The following C12orf42 variants were observed in gnomAD, a reference collection of about 807,000 sequenced individuals.
C12orf42 encodes uncharacterized protein C12orf42.
C12orf42 carries 25 observed loss-of-function variants against 21.6 expected under a neutral mutation model. The ratio of observed to expected loss-of-function variants is 1.16; its 90% CI spans 0.84 to 1.62. The LOEUF (loss-of-function observed/expected upper bound fraction) is 1.62, where lower values mean the gene tolerates loss of function less well. Among genes scored for constraint, C12orf42 ranks in the 40% most tolerant of loss-of-function variants. The probability of loss-of-function intolerance (pLI) is 0.00; values close to 1 mark genes in which losing one functional copy is unlikely to be tolerated. For missense variants in C12orf42, 483 were observed against 459.3 expected, an observed-to-expected ratio of 1.05 and a Z score of -0.47; for synonymous variants, 174 against 175.0, an observed-to-expected ratio of 0.99 and a Z score of 0.05.
chr12:103,294,555 A>C (rs2037081586), intron 4 of C12orf42, among the ~76,000 whole-genome samples: 1 of 142,600 alleles, frequency 7.0e-6, no homozygotes, highest in African/African-American at 2.6e-5. Flanking sequence ...GAAAGAAAGA[A>C]AGAAAGAAAA....
intron 2 of C12orf42, among the ~76,000 whole-genome samples, chr12:103,426,607 G>A (rs1383274801): frequency 6.6e-6 from 1 of 152,120 alleles, no homozygotes; most frequent in Non-Finnish European, 1.5e-5. Context: ...AGGAAATACA[G>A]AGAACACCAC....
intron 4 of C12orf42, among the ~76,000 whole-genome samples, chr12:103,290,573 A>C (rs531767336): frequency 1.3e-5 from 2 of 152,298 alleles, no homozygotes; most frequent in East Asian, 3.9e-4. Flanking sequence ...GAAGGAAGGA[A>C]CTAACACACA....
At chr12:103,186,548 C>G in the C12orf42 span, among the ~76,000 whole-genome samples, 1 of 152,054 alleles carries the variant, frequency 6.6e-6, no homozygotes, top group Non-Finnish European at 1.5e-5. Flanking sequence ...TTGCTCTTGG[C>G]AGAAACTTTA....
the C12orf42 span, among the ~76,000 whole-genome samples, chr12:103,078,471 C>A: frequency 1.3e-5 from 2 of 152,130 alleles, no homozygotes; most frequent in African/African-American, 4.8e-5. Flanking sequence ...ATTCTATAAA[C>A]CCTAGAGCTA....
At chr12:103,427,631 A>T (rs1449789364) in intron 2 of C12orf42, among the ~76,000 whole-genome samples, 1 of 152,226 alleles carries the variant, frequency 6.6e-6, no homozygotes, top group Non-Finnish European at 1.5e-5. Flanking sequence ...AGTGGACTTA[A>T]CAGACATCTA....
At chr12:103,072,907 G>A in the C12orf42 span, among the ~76,000 whole-genome samples, 9 of 152,060 alleles carry the variant, frequency 5.9e-5, no homozygotes, top group Admixed American at 2.0e-4. Context: ...ATTCACAATA[G>A]CAAAGACATG....
the C12orf42 span, among the ~76,000 whole-genome samples, chr12:103,550,160 TAATAC>T: frequency 1.3e-5 from 2 of 152,132 alleles, no homozygotes; most frequent in Non-Finnish European, 2.9e-5. Flanking sequence ...CATCCATTAA[TAATAC>T]AATATTAATA....
At chr12:103,297,410 T>C (rs2037365246), downstream of C12orf42, among the ~76,000 whole-genome samples, 3 of 152,126 alleles carry the variant, frequency 2.0e-5, no homozygotes, top group Non-Finnish European at 4.4e-5. Flanking sequence ...CAGGAAGAAG[T>C]TGAATCTCTG....
chr12:103,424,407 C>T (rs537950076), intron 2 of C12orf42, among the ~76,000 whole-genome samples: 9 of 152,014 alleles, frequency 5.9e-5, no homozygotes, highest in South Asian at 2.1e-4. Context: ...GGAACAGCTC[C>T]GGTCTGCAAC....
chr12:103,494,812 A>G (rs2138231910), intron 1 of C12orf42, among the ~76,000 whole-genome samples: 1 of 152,296 alleles, frequency 6.6e-6, no homozygotes, highest in South Asian at 2.1e-4. Context: ...ACAGCGGTGA[A>G]TAGGGTAAAG....
chr12:103,448,406 G>A (rs1221435361), intron 2 of C12orf42, among the ~76,000 whole-genome samples: 4 of 151,748 alleles, frequency 2.6e-5, no homozygotes, highest in South Asian at 2.1e-4. Flanking sequence ...GACCAAGAAC[G>A]CAAAAGCAAA....
the C12orf42 span, among the ~76,000 whole-genome samples, chr12:103,149,465 G>A: frequency 6.6e-6 from 1 of 152,144 alleles, no homozygotes; most frequent in Admixed American, 6.5e-5. Flanking sequence ...TTCTGTAAAT[G>A]TCCAAGAACT....
chr12:103,241,012 CAGAT>C (rs982163731), intron 10 of C12orf42, among the ~76,000 whole-genome samples: 23 of 152,146 alleles, frequency 1.5e-4, no homozygotes, highest in African/African-American at 5.3e-4. Context: ...AAGAGACAGT[CAGAT>C]AAAGTTATTG....
chr12:103,187,028 T>C, the C12orf42 span, among the ~76,000 whole-genome samples: 1 of 152,212 alleles, frequency 6.6e-6, no homozygotes, highest in South Asian at 2.1e-4. Flanking sequence ...CATTACATAC[T>C]ATACCATCAA....
the C12orf42 span, among the ~76,000 whole-genome samples, chr12:103,082,277 T>C: frequency 0.011 from 1,645 of 152,328 alleles, 30 homozygotes; most frequent in African/African-American, 0.038. Flanking sequence ...TAAAAGAGGA[T>C]GAAATTGTTA....
intron 2 of C12orf42, among the ~76,000 whole-genome samples, chr12:103,439,733 G>A (rs1262037338): frequency 6.6e-6 from 1 of 152,042 alleles, no homozygotes; most frequent in South Asian, 2.1e-4. Flanking sequence ...AGTTAGAGTG[G>A]CAATCATTAA....
chr12:103,147,263 T>C, the C12orf42 span, among the ~76,000 whole-genome samples: 1 of 152,120 alleles, frequency 6.6e-6, no homozygotes, highest in Admixed American at 6.5e-5. Flanking sequence ...AACAACCTAG[T>C]TTTTTCCCCT....
At chr12:103,239,901 A>C (rs2033652216) in intron 10 of C12orf42, among the ~76,000 whole-genome samples, 1 of 152,290 alleles carries the variant, frequency 6.6e-6, no homozygotes, top group Admixed American at 6.5e-5. Context: ...ACTGGCTTGC[A>C]TCCTATCTTG....
intron 3 of C12orf42, among the ~76,000 whole-genome samples, chr12:103,395,250 A>G (rs2047419140): frequency 6.6e-6 from 1 of 152,190 alleles, no homozygotes; most frequent in South Asian, 2.1e-4. Flanking sequence ...AAGAATGATG[A>G]TCTCAAATAC....
Sources: allele counts gnomAD v4.1 joint callset (sites outside exome capture counted in the v4.1 genomes callset), GRCh38; gene constraint gnomAD v4.1.1; transcripts MANE v1.5; gene names NCBI Gene and HGNC (gene_info 2026-07-23, HGNC 2026-07-21).